LRRTM4: variants seen among roughly 807,000 people sequenced by gnomAD.
LRRTM4 encodes leucine-rich repeat transmembrane neuronal protein 4.
A neutral mutation model predicts 47.6 loss-of-function variants in LRRTM4; 25 were observed. The observed-to-expected ratio is 0.53, with a 90% CI of 0.38 to 0.73. The LOEUF (loss-of-function observed/expected upper bound fraction) is 0.73. LRRTM4 is among the 30% of genes least tolerant of loss of function. The probability of loss-of-function intolerance (pLI) is 0.00; values close to 1 mark genes in which losing one functional copy is unlikely to be tolerated. For synonymous variants in LRRTM4, 311 were observed against 269.5 expected, an observed-to-expected ratio of 1.15 and a Z score of -1.51; for missense variants, 638 against 713.4, an observed-to-expected ratio of 0.89 and a Z score of 1.20.
intron 3 of LRRTM4, among the ~76,000 whole-genome samples, chr2:76,941,992 A>G (rs1675160372): frequency 6.6e-6 from 1 of 152,054 alleles, no homozygotes; most frequent in Non-Finnish European, 1.5e-5. Context: ...CTGACTTTTT[A>G]ATGATCCCCA....
At chr2:76,817,758 G>A (rs1670941393) in intron 3 of LRRTM4, among the ~76,000 whole-genome samples, 2 of 151,928 alleles carry the variant, frequency 1.3e-5, no homozygotes, top group Admixed American at 6.6e-5. Context: ...ATGCTTAAAT[G>A]GTCTTTGAAC....
At chr2:76,971,036 G>A (rs1018727880) in intron 3 of LRRTM4, among the ~76,000 whole-genome samples, 9 of 151,984 alleles carry the variant, frequency 5.9e-5, no homozygotes, top group African/African-American at 9.7e-5. Flanking sequence ...TGTGAGGTGT[G>A]TAGGTAATGT....
intron 3 of LRRTM4, among the ~76,000 whole-genome samples, chr2:77,464,403 T>C (rs67709230): frequency 4.0e-4 from 61 of 152,130 alleles, no homozygotes; most frequent in African/African-American, 1.3e-3. Flanking sequence ...ATAGTCACAT[T>C]AAAAATGTAA....
intron 3 of LRRTM4, among the ~76,000 whole-genome samples, chr2:77,132,699 A>T (rs893765736): frequency 6.6e-6 from 1 of 152,208 alleles, no homozygotes; most frequent in African/African-American, 2.4e-5. Context: ...TGTTTTACAA[A>T]GAGCTTAAAA....
intron 3 of LRRTM4, among the ~76,000 whole-genome samples, chr2:77,264,917 G>C (rs867664239): frequency 6.6e-6 from 1 of 152,116 alleles, no homozygotes; most frequent in African/African-American, 2.4e-5. Flanking sequence ...AATAAATCTA[G>C]TTTGTTTTAG....
chr2:76,845,775 G>A (rs1671819995), intron 3 of LRRTM4, among the ~76,000 whole-genome samples: 2 of 152,128 alleles, frequency 1.3e-5, no homozygotes, highest in Non-Finnish European at 1.5e-5. Flanking sequence ...CTGCAGAAAT[G>A]AGTAGGGCTT....
At chr2:76,916,408 G>GAAAAAAAAAAAAA (rs1674252298) in intron 3 of LRRTM4, among the ~76,000 whole-genome samples, 1 of 106,088 alleles carries the variant, frequency 9.4e-6, no homozygotes, top group African/African-American at 4.0e-5. Context: ...AAAAAAAAAA[G>GAAAAAAAAAAAAA]AAAAGAAAAA....
intron 3 of LRRTM4, among the ~76,000 whole-genome samples, chr2:76,891,963 T>C (rs533576963): frequency 6.1e-4 from 92 of 151,734 alleles, no homozygotes; most frequent in African/African-American, 2.1e-3. Flanking sequence ...ATTTCTCTAA[T>C]ATATAACAAA....
chr2:77,072,892 G>T (rs11899205), intron 3 of LRRTM4, among the ~76,000 whole-genome samples: 2 of 151,310 alleles, frequency 1.3e-5, no homozygotes, highest in South Asian at 4.2e-4. Flanking sequence ...GCGTCTGTCA[G>T]ATTACCATAG....
chr2:77,350,096 G>T (rs1671703498), intron 3 of LRRTM4, among the ~76,000 whole-genome samples: 1 of 151,454 alleles, frequency 6.6e-6, no homozygotes, highest in South Asian at 2.1e-4. Flanking sequence ...GCCGAGGCGG[G>T]TGGATCATGA....
chr2:76,814,794 TACACACACACATACACAC>T (rs61427774), intron 3 of LRRTM4, among the ~76,000 whole-genome samples: 37,383 of 149,606 alleles, frequency 0.25, 4,987 homozygotes, highest in Admixed American at 0.39. Context: ...GGCTTCAAGA[TACACACACACATACACAC>T]ACACACACAC....
chr2:77,439,534 A>G (rs1675749642), intron 3 of LRRTM4, among the ~76,000 whole-genome samples: 1 of 152,134 alleles, frequency 6.6e-6, no homozygotes, highest in Admixed American at 6.5e-5. Context: ...AATCTGTACA[A>G]AAAAAATCTA....
At chr2:77,066,575 A>G (rs1322413505) in intron 3 of LRRTM4, among the ~76,000 whole-genome samples, 1 of 152,214 alleles carries the variant, frequency 6.6e-6, no homozygotes, top group East Asian at 1.9e-4. Flanking sequence ...CCTTTATTGG[A>G]GAGCATCTAC....
At chr2:77,035,268 C>A (rs28876375) in intron 3 of LRRTM4, among the ~76,000 whole-genome samples, 10,287 of 149,704 alleles carry the variant, frequency 0.069, 801 homozygotes, top group African/African-American at 0.18. Flanking sequence ...GAAAAACAAA[C>A]AAACAAACAA....
At chr2:76,768,452 AG>A (rs1673543579) in intron 3 of LRRTM4, among the ~76,000 whole-genome samples, 1 of 152,148 alleles carries the variant, frequency 6.6e-6, no homozygotes, top group African/African-American at 2.4e-5. Flanking sequence ...AGCATGCAAA[AG>A]AACTACCCAG....
intron 3 of LRRTM4, among the ~76,000 whole-genome samples, chr2:77,023,196 A>T (rs911929267): frequency 6.6e-6 from 1 of 152,178 alleles, no homozygotes; most frequent in Non-Finnish European, 1.5e-5. Context: ...CTTTCAGCCA[A>T]GGCTGGAGTG....
chr2:77,168,243 A>G (rs1208370867), intron 3 of LRRTM4, among the ~76,000 whole-genome samples: 1 of 151,914 alleles, frequency 6.6e-6, no homozygotes, highest in East Asian at 1.9e-4. Flanking sequence ...CAAATGTCAT[A>G]TTTTTCCTTC....
At chr2:76,992,184 G>T (rs78841423) in intron 3 of LRRTM4, among the ~76,000 whole-genome samples, 14,709 of 151,768 alleles carry the variant, frequency 0.097, 1,039 homozygotes, top group East Asian at 0.38. Context: ...ACATCATAAT[G>T]GGTGGGCAAA....
chr2:77,003,453 T>G (rs1677512461), intron 3 of LRRTM4, among the ~76,000 whole-genome samples: 1 of 152,108 alleles, frequency 6.6e-6, no homozygotes, highest in Non-Finnish European at 1.5e-5. Flanking sequence ...GATGGGTTTT[T>G]TCTCATGCCT....
Sources: gnomAD v4.1 joint callset for allele counts (sites outside exome capture counted in the v4.1 genomes callset) on GRCh38, gnomAD v4.1.1 for gene constraint, MANE v1.5 for transcripts, NCBI Gene and HGNC (gene_info 2026-07-23, HGNC 2026-07-21) for gene names.